The following SYNJ2 variants were observed in gnomAD, a reference collection of about 807,000 sequenced individuals.
SYNJ2 encodes polyphosphatidylinositol phosphatase SYNJ2.
Under a neutral mutation model 141.3 loss-of-function variants are expected in SYNJ2, and 116 were observed. That is an observed-to-expected ratio of 0.82 (90% CI 0.71 to 0.96). SYNJ2 has a LOEUF of 0.96. Ranked by LOEUF, SYNJ2 falls within the 40% of genes least tolerant of loss-of-function variation. The probability of loss-of-function intolerance (pLI) is 0.00; values close to 1 mark genes in which losing one functional copy is unlikely to be tolerated. For missense variants in SYNJ2, 1,873 were observed against 1,934.8 expected, an observed-to-expected ratio of 0.97 and a Z score of 0.60; for synonymous variants, 745 against 777.7, an observed-to-expected ratio of 0.96 and a Z score of 0.70.
chr6:158,062,220 C>A, intron 8 of SYNJ2, 56 bp downstream of exon 8: 1 of 1,585,444 alleles, frequency 6.3e-7, no homozygotes. Flanking sequence ...CGTCAGTCCA[C>A]GGTGAGGCTC....
At chr6:158,019,870 G>GT (rs1778665554) in intron 2 of SYNJ2, among the ~76,000 whole-genome samples, 1 of 152,224 alleles carries the variant, frequency 6.6e-6, no homozygotes, top group South Asian at 2.1e-4. Context: ...TTTAAATCAA[G>GT]TTTTTTCAGT....
At chr6:158,034,845 G>C (rs1157876745) in intron 4 of SYNJ2, among the ~76,000 whole-genome samples, 1 of 152,144 alleles carries the variant, frequency 6.6e-6, no homozygotes, top group Non-Finnish European at 1.5e-5. Context: ...CCCATCTTGA[G>C]TTGATTTTTG....
At chr6:158,092,882 T>TA (rs1264803191) in intron 25 of SYNJ2, 44 bp from the exon 26 acceptor site, 1 of 1,520,858 alleles carries the variant, frequency 6.6e-7, no homozygotes, top group African/African-American at 1.4e-5. Context: ...ATGCAGTGAA[T>TA]TGCCTTGTCC....
chr6:158,053,207 A>T (rs1052006945), intron 5 of SYNJ2, among the ~76,000 whole-genome samples: 1 of 152,170 alleles, frequency 6.6e-6, no homozygotes, highest in African/African-American at 2.4e-5. Flanking sequence ...CACGGTGTCC[A>T]TCTGCCACTC....
intron 11 of SYNJ2, 133 bp downstream of exon 11, chr6:158,065,124 G>A: frequency 8.5e-7 from 1 of 1,176,808 alleles, no homozygotes; most frequent in Non-Finnish European, 1.1e-6. Flanking sequence ...CATGCACCTT[G>A]CAGCTGTCAC....
At chr6:158,016,088 A>G (rs997426211) in intron 1 of SYNJ2, among the ~76,000 whole-genome samples, 4 of 152,144 alleles carry the variant, frequency 2.6e-5, no homozygotes, top group Admixed American at 6.5e-5. Context: ...GTCTCTAGAA[A>G]TGTGCCTGTT....
At chr6:158,013,899 ATG>A (rs1778357970) in intron 1 of SYNJ2, among the ~76,000 whole-genome samples, 1 of 152,202 alleles carries the variant, frequency 6.6e-6, no homozygotes, top group Non-Finnish European at 1.5e-5. Context: ...TGGGGAAAAT[ATG>A]TGTGTTTGAT....
At chr6:158,021,164 C>T (rs1052080435) in intron 2 of SYNJ2, among the ~76,000 whole-genome samples, 2 of 152,190 alleles carry the variant, frequency 1.3e-5, no homozygotes, top group African/African-American at 4.8e-5. Flanking sequence ...TTTATAGCCT[C>T]AAGGGACTCT....
intron 21 of SYNJ2, 113 bp from the exon 22 acceptor site, chr6:158,083,888 G>T (rs1450821710): frequency 6.3e-6 from 8 of 1,260,354 alleles, no homozygotes; most frequent in African/African-American, 5.9e-5. Flanking sequence ...GCCCTGAGCT[G>T]CAGGGCAGGG....
chr6:158,007,018 T>C (rs1204639445), intron 1 of SYNJ2, among the ~76,000 whole-genome samples: 1 of 152,108 alleles, frequency 6.6e-6, no homozygotes, highest in East Asian at 1.9e-4. Context: ...CAGGCTGGAT[T>C]GCAGTGGCGC....
intron 12 of SYNJ2, chr6:158,067,551 T>C: frequency 1.0e-6 from 1 of 985,440 alleles, no homozygotes; most frequent in South Asian, 4.7e-5. Context: ...ACTCGGGCCT[T>C]GGTTTTTTTG....
Position 157,998,923 on chromosome 6 carries a change from G to A in SYNJ2, c.127+16835G>A, listed in dbSNP as rs9459075. Among the ~76,000 whole-genome samples the A allele has an allele frequency of 2.0e-3, 302 of 152,202 alleles. 3 individuals carry two copies. Among genetic ancestry groups the A allele is most frequent in the African/African-American group, 7.0e-3 (290 of 41,528 alleles). On this transcript the variant is annotated intron_variant, in intron 1 of 26. Coordinates refer to ENST00000355585, the MANE Select transcript of SYNJ2 (RefSeq NM_003898.4). ...CCTGCCTCCCATTCCCCCTGTGTCC[G>A]AATGATAGATTTGACTACATAAAAA...
rs1288714955 is a variant in SYNJ2, at chr6:158,085,468, A to C, written c.3208+1294A>C. Among the ~76,000 whole-genome samples the C allele has an allele frequency of 5.9e-5, 9 of 152,298 alleles. No homozygotes were observed. The East Asian group carries it at 1.7e-3, about 29-fold the overall frequency. On this transcript the variant is annotated intron_variant, in intron 22 of 26. Coordinates refer to ENST00000355585, the MANE Select transcript of SYNJ2 (RefSeq NM_003898.4). ...TGTCAATCACTGAGCCCCGAGTTGG[A>C]GGACAGCTCTAACCAGCAGGTGCAG...
At chr6:158,085,408 A>T (rs1172891136) in intron 22 of SYNJ2, among the ~76,000 whole-genome samples, 1 of 152,124 alleles carries the variant, frequency 6.6e-6, no homozygotes, top group African/African-American at 2.4e-5. Context: ...AGCTACATTG[A>T]TGCTGTTCCA....
chr6:158,029,127 C>CG, intron 3 of SYNJ2, 101 bp downstream of exon 3: 2 of 1,481,482 alleles, frequency 1.3e-6, no homozygotes, highest in Non-Finnish European at 1.8e-6. Flanking sequence ...GCACCACCCC[C>CG]GGGTTATGGG....
At chr6:158,047,805 A>AAAAAAAAAC (rs1780337766) in intron 5 of SYNJ2, among the ~76,000 whole-genome samples, 10 of 133,660 alleles carry the variant, frequency 7.5e-5, no homozygotes, top group African/African-American at 2.7e-4. Context: ...AAAAAAAAAA[A>AAAAAAAAAC]CACACAGTAT....
chr6:158,043,247 C>T lies in SYNJ2; in HGVS notation c.712-69C>T, dbSNP rs1397809653. On this transcript the variant is annotated intron_variant, in intron 4 of 26. Coordinates refer to ENST00000355585, the MANE Select transcript of SYNJ2 (RefSeq NM_003898.4). This position sits in a 1 kb window ranked among gnomAD's most constrained non-coding sequence, Gnocchi z 4.0. ...TGTCGGGTCACAGGTGGCCGGATCCCGTTACCCAGCCCAGGACGTTCGGTT... is the reference window on the plus strand; with the variant it reads ...TGTCGGGTCACAGGTGGCCGGATCCTGTTACCCAGCCCAGGACGTTCGGTT... The T allele has an allele frequency of 9.7e-6, 14 of 1,440,274 alleles. No homozygotes were observed. The highest frequency in any genetic ancestry group is 1.4e-5 in the African/African-American group (1 of 71,584). 89.2% of individuals were successfully genotyped at this position (1,440,274 alleles called of 1,614,324 possible).
intron 1 of SYNJ2, 182 bp from the exon 2 acceptor site, chr6:158,017,022 C>G (rs1393779366): frequency 7.6e-6 from 10 of 1,314,336 alleles, no homozygotes; most frequent in Admixed American, 6.7e-5. Flanking sequence ...AGGTCTGAAT[C>G]CTTGCAGCTC....
intron 6 of SYNJ2, among the ~76,000 whole-genome samples, chr6:158,058,056 C>T (rs937879051): frequency 6.6e-6 from 1 of 152,010 alleles, no homozygotes; most frequent in African/African-American, 2.4e-5. Flanking sequence ...TCTCTTACTG[C>T]ATAAGAAAAA....
Sources: gnomAD v4.1 joint callset for allele counts (sites outside exome capture counted in the v4.1 genomes callset) on GRCh38, gnomAD v4.1.1 for gene constraint, Gnocchi (gnomAD v3.1) non-coding constraint, MANE v1.5 for transcripts, NCBI Gene and HGNC (gene_info 2026-07-23, HGNC 2026-07-21) for gene names.